Variants in MCPH1 observed in about 807,000 individuals in gnomAD.
The protein encoded by MCPH1 is microcephalin.
MCPH1 carries 104 observed loss-of-function variants against 84.5 expected under a neutral mutation model. That is an observed-to-expected ratio of 1.23 (90% CI 1.05 to 1.45). The LOEUF (loss-of-function observed/expected upper bound fraction) is 1.45. Among genes scored for constraint, MCPH1 ranks in the 40% most tolerant of loss-of-function variants. The probability of loss-of-function intolerance (pLI) is 0.00; values close to 1 mark genes in which losing one functional copy is unlikely to be tolerated. For synonymous variants in MCPH1, 514 were observed against 366.8 expected (o/e 1.40, Z -4.58); for missense variants, 1,498 against 1,005.7 (o/e 1.49, Z -6.62).
intron 12 of MCPH1, chr8:6,532,470 C>G: frequency 1.2e-6 from 2 of 1,612,414 alleles, no homozygotes; most frequent in Non-Finnish European, 1.7e-6. Context: ...TCATGTTGTC[C>G]TGGATATAAT....
At chr8:6,505,472 C>A (rs10093839) in intron 12 of MCPH1, among the ~76,000 whole-genome samples, 1 of 42,040 alleles carries the variant, frequency 2.4e-5, no homozygotes, top group African/African-American at 9.0e-5. Flanking sequence ...ATATTCTTTA[C>A]ATATATAGAA....
At chr8:6,496,649 G>A (rs1274620376) in intron 11 of MCPH1, among the ~76,000 whole-genome samples, 1 of 151,850 alleles carries the variant, frequency 6.6e-6, no homozygotes, top group East Asian at 1.9e-4. Flanking sequence ...GCTTGGATAA[G>A]GCTGGCTATT....
intron 11 of MCPH1, among the ~76,000 whole-genome samples, chr8:6,498,474 T>G (rs1811546363): frequency 6.6e-6 from 1 of 152,238 alleles, no homozygotes; most frequent in African/African-American, 2.4e-5. Flanking sequence ...ATTAATTAAT[T>G]TACTGACCAG....
In MCPH1 at chr8:6,588,090, G is replaced by T. The variant is rs890955494; in HGVS notation, c.2215-33364G>T. Among the ~76,000 whole-genome samples the T allele has an allele frequency of 3.3e-5, 5 of 152,204 alleles. No individual in the cohort carries two copies. In the South Asian group the frequency reaches 1.0e-3, roughly 32 times the overall value. ...AAGTGAGCGTATATGGGGAGACTGAGGGTGTGGAGTTGATGATGGTTGTGG... is the reference window on the plus strand; with the variant it reads ...AAGTGAGCGTATATGGGGAGACTGATGGTGTGGAGTTGATGATGGTTGTGG... On this transcript the variant is annotated intron_variant, in intron 12 of 13. Coordinates refer to ENST00000344683, the MANE Select transcript of MCPH1 (RefSeq NM_024596.5).
chr8:6,461,216 G>T lies in MCPH1; in HGVS notation c.1935+5964G>T, dbSNP rs370385947. On this transcript the variant is annotated intron_variant, in intron 9 of 13. Coordinates refer to ENST00000344683, the MANE Select transcript of MCPH1 (RefSeq NM_024596.5). ...TATAACTTCCATTAGCTTTTTTTTT[G>T]GTGTAATGCCCATTTTTAATGGCAA... Among the ~76,000 whole-genome samples, 184 of 151,102 alleles carry T rather than the reference G, an allele frequency of 1.2e-3. 1 individual carries two copies. Among genetic ancestry groups the T allele is most frequent in the African/African-American group, 4.2e-3 (172 of 41,116 alleles).
chr8:6,526,069 A>T (rs1398203224), intron 12 of MCPH1, among the ~76,000 whole-genome samples: 2 of 151,996 alleles, frequency 1.3e-5, no homozygotes, highest in African/African-American at 4.8e-5. Flanking sequence ...TCCAGCTCCC[A>T]TGTGTTCCAG....
Position 6,641,925 on chromosome 8 carries a change from G to A in MCPH1, c.2453-1069G>A, listed in dbSNP as rs191533445. On this transcript the variant is annotated intron_variant, in intron 13 of 13. Transcript: ENST00000344683. ...TTCCTCCCTTCTGAAATTCATCTGA[G>A]GGTCCCTCACTGACCCAGGCCTCCT... Among the ~76,000 whole-genome samples the A allele has an allele frequency of 2.0e-4, 31 of 152,046 alleles. 1 individual carries two copies. In the South Asian group the frequency reaches 6.4e-3, roughly 32 times the overall value.
rs144606636 is a variant in MCPH1 at position 6,415,492 on chromosome 8, T to G, written c.233+609T>G. Among the ~76,000 whole-genome samples, 197 of 152,064 alleles carry G rather than the reference T, an allele frequency of 1.3e-3. 4 individuals carry two copies. The East Asian group carries it at 0.032, about 25-fold the overall frequency. Reference sequence around the variant, plus strand: ...CTTCTGCCTCCCGAGTAGCTGGGATTACAGGCACGCACCACCATGCCTGGC... The same window carrying G: ...CTTCTGCCTCCCGAGTAGCTGGGATGACAGGCACGCACCACCATGCCTGGC... On this transcript the variant is annotated intron_variant, in intron 3 of 13. Coordinates refer to ENST00000344683, the MANE Select transcript of MCPH1 (RefSeq NM_024596.5).
chr8:6,581,569 C>G (rs1421866925), intron 12 of MCPH1, among the ~76,000 whole-genome samples: 1 of 152,186 alleles, frequency 6.6e-6, no homozygotes, highest in African/African-American at 2.4e-5. Flanking sequence ...GACATTTTTA[C>G]AATACTAGTA....
At chr8:6,522,230 C>T (rs1235265221) in intron 12 of MCPH1, among the ~76,000 whole-genome samples, 1 of 152,058 alleles carries the variant, frequency 6.6e-6, no homozygotes, top group East Asian at 1.9e-4. Flanking sequence ...TGGCGGGCGC[C>T]TGTAGTCACA....
chr8:6,513,368 T>A (rs950494324), intron 12 of MCPH1, among the ~76,000 whole-genome samples: 2 of 151,370 alleles, frequency 1.3e-5, no homozygotes, highest in Admixed American at 1.3e-4. Context: ...AGTCTTGCTC[T>A]GTCGCCCAGG....
intron 12 of MCPH1, among the ~76,000 whole-genome samples, chr8:6,572,561 C>T (rs1345784026): frequency 6.6e-6 from 1 of 152,220 alleles, no homozygotes; most frequent in Non-Finnish European, 1.5e-5. Flanking sequence ...AAGCACATCA[C>T]ACCATATACA....
At chr8:6,527,899 A>ATTTTT (rs71213313) in intron 12 of MCPH1, among the ~76,000 whole-genome samples, 2 of 133,122 alleles carry the variant, frequency 1.5e-5, no homozygotes, top group Non-Finnish European at 3.3e-5. Context: ...CCACGTCTCT[A>ATTTTT]TTTTTTTTTT....
chr8:6,620,861 A>C (rs1232540691), intron 12 of MCPH1: 1 of 159,230 alleles, frequency 6.3e-6, no homozygotes, highest in Non-Finnish European at 1.4e-5. Flanking sequence ...GCTCATTGAA[A>C]CAATCTCGAG....
intron 12 of MCPH1, chr8:6,618,934 C>T (rs76963267): frequency 0.047 from 7,169 of 152,218 alleles, 227 homozygotes; most frequent in Non-Finnish European, 0.073. Context: ...TTCAGTGATC[C>T]AGGCGTCACA....
intron 12 of MCPH1, among the ~76,000 whole-genome samples, chr8:6,593,738 C>T (rs751677757): frequency 3.3e-5 from 5 of 152,186 alleles, no homozygotes; most frequent in African/African-American, 1.2e-4. Context: ...TTGAAGAGAA[C>T]ATTACCAATG....
In MCPH1 at chr8:6,493,370, A is replaced by G. The variant is rs554358997; in HGVS notation, c.2137-6482A>G. Among the ~76,000 whole-genome samples, 4 of 152,344 alleles carry G rather than the reference A, an allele frequency of 2.6e-5. No homozygotes were observed. The East Asian group carries it at 5.8e-4, about 22-fold the overall frequency. ...GTGTTCAATTGAGGTGAGCTTTTTC[A>G]TAAGAATATTCAAGCCTAGGTCAAC... On this transcript the variant is annotated intron_variant, in intron 11 of 13. Transcript: ENST00000344683.
At chr8:6,505,396 T>TTCTTTATATACATAA (rs1813299024) in intron 12 of MCPH1, among the ~76,000 whole-genome samples, 6 of 55,796 alleles carry the variant, frequency 1.1e-4, no homozygotes, top group African/African-American at 3.1e-4. Flanking sequence ...TATATGTATA[T>TTCTTTATATACATAA]AGAATATATA....
intron 12 of MCPH1, chr8:6,508,872 T>C: frequency 6.2e-6 from 10 of 1,611,458 alleles, no homozygotes; most frequent in Non-Finnish European, 8.5e-6. Context: ...ATTGCCAGCC[T>C]TTCCCTCTAT....
Sources: allele counts gnomAD v4.1 joint callset (sites outside exome capture counted in the v4.1 genomes callset), GRCh38; gene constraint gnomAD v4.1.1; transcripts MANE v1.5; gene names NCBI Gene and HGNC (gene_info 2026-07-23, HGNC 2026-07-21).